SLC25A20: variants seen among roughly 807,000 people sequenced by gnomAD.
SLC25A20 encodes the protein solute carrier family 25 member 20.
SLC25A20 carries 29 observed loss-of-function variants against 39.7 expected under a neutral mutation model. That is an observed-to-expected ratio of 0.73 (90% CI 0.54 to 1.00). The LOEUF is 1.00. Among genes scored for constraint, SLC25A20 ranks in the 50% least tolerant of loss-of-function variants. SLC25A20 has a pLI of 0.00. For missense variants in SLC25A20, 333 were observed against 379.9 expected, an observed-to-expected ratio of 0.88 and a Z score of 1.03; for synonymous variants, 103 against 142.2, an observed-to-expected ratio of 0.72 and a Z score of 1.96.
intron 4 of SLC25A20, among the ~76,000 whole-genome samples, chr3:48,865,123 T>A (rs1188458141): frequency 1.6e-5 from 2 of 126,426 alleles, no homozygotes; most frequent in African/African-American, 5.8e-5. Context: ...AAAGTCTGAG[T>A]TGGAGATATA....
At position 48,857,596 on chromosome 3, in the gene SLC25A20, G is replaced by A. The variant is rs1575977140; in HGVS notation, c.*114C>T. On this transcript the variant is annotated 3_prime_UTR_variant, in exon 9 of 9. Transcript: ENST00000319017. Reference sequence around the variant, plus strand: ...CTCACCAAGTCCATGCACAGGGCTCGGATCTCACCATTCCCCTCCCCTTGC... The same window carrying A: ...CTCACCAAGTCCATGCACAGGGCTCAGATCTCACCATTCCCCTCCCCTTGC... 8.7e-6 allele frequency: 8 copies of A among 915,474 alleles called. No homozygotes were observed. The highest frequency in any genetic ancestry group is 5.6e-5 in the South Asian group (4 of 71,866). The allele number at this position is 915,474 out of a possible 1,614,324, so 56.7% of individuals were successfully genotyped here.
chr3:48,870,558 CTTTTT>C (rs752195846), intron 4 of SLC25A20, among the ~76,000 whole-genome samples: 2 of 123,478 alleles, frequency 1.6e-5, no homozygotes. Context: ...TTTTCTTTTT[CTTTTT>C]TTTTTTTTTT....
intron 1 of SLC25A20, among the ~76,000 whole-genome samples, chr3:48,892,967 T>A (rs561086381): frequency 1.3e-5 from 2 of 152,246 alleles, no homozygotes; most frequent in African/African-American, 4.8e-5. Flanking sequence ...TATATTCCCA[T>A]AAGCAGTCTA....
At chr3:48,869,896 T>C (rs1312802803) in intron 4 of SLC25A20, among the ~76,000 whole-genome samples, 2 of 152,050 alleles carry the variant, frequency 1.3e-5, no homozygotes, top group Non-Finnish European at 2.9e-5. Context: ...GGTAGGCAGA[T>C]TGCTTGATCC....
At chr3:48,865,674 C>T (rs1199588261) in intron 4 of SLC25A20, among the ~76,000 whole-genome samples, 1 of 147,820 alleles carries the variant, frequency 6.8e-6, no homozygotes, top group African/African-American at 2.5e-5. Flanking sequence ...GAGGCTGAGG[C>T]ACAAGAATCA....
chr3:48,891,033 G>T (rs558263808), intron 2 of SLC25A20, among the ~76,000 whole-genome samples: 1 of 152,124 alleles, frequency 6.6e-6, no homozygotes, highest in East Asian at 1.9e-4. Context: ...CTTGGTAGTG[G>T]TCCCCCCGGC....
intron 1 of SLC25A20, among the ~76,000 whole-genome samples, chr3:48,894,297 G>C (rs1418798666): frequency 1.6e-5 from 2 of 126,102 alleles, no homozygotes; most frequent in African/African-American, 6.1e-5. Context: ...GCAGAGTCTT[G>C]CTCTGTCACC....
At chr3:48,878,416 C>T (rs1444326986) in intron 4 of SLC25A20, among the ~76,000 whole-genome samples, 1 of 151,530 alleles carries the variant, frequency 6.6e-6, no homozygotes, top group Non-Finnish European at 1.5e-5. Flanking sequence ...TCAGTGCAGC[C>T]TCAACAATCC....
intron 1 of SLC25A20, among the ~76,000 whole-genome samples, chr3:48,896,033 A>G (rs962791339): frequency 3.3e-5 from 5 of 151,806 alleles, no homozygotes; most frequent in Admixed American, 3.3e-4. Context: ...CCAGCTACTC[A>G]GGAGGCTGAG....
rs1357859791 is a variant in SLC25A20, at chr3:48,857,740, C to A, written c.876G>T (p.Lys292Asn). The change falls in exon 9 of 9, where the codon AAG (lysine) becomes AAT (asparagine). Residue 292 changes from lysine to asparagine, a missense_variant. Physicochemically the swap from Lys to Asn is moderately conservative, Grantham distance 94. Coordinates refer to ENST00000319017, the MANE Select transcript of SLC25A20 (RefSeq NM_000387.6). Reference sequence around the variant, plus strand: ...AGTTGGGGGTGGCCCAATTAAGGAACTTCATGGCAACTTCAAAGCCAAGGA... The same window carrying A: ...AGTTGGGGGTGGCCCAATTAAGGAAATTCATGGCAACTTCAAAGCCAAGGA... ...ACFLGFEVAMKFLNWATPNL is the reference protein window; with the variant it reads ...ACFLGFEVAMNFLNWATPNL 1.2e-6 allele frequency: 2 copies of A among 1,613,952 alleles called. No homozygotes were observed.
intron 5 of SLC25A20, among the ~76,000 whole-genome samples, 181 bp downstream of exon 5, chr3:48,862,361 A>G (rs938260680): frequency 1.3e-5 from 2 of 152,206 alleles, no homozygotes; most frequent in Non-Finnish European, 2.9e-5. Context: ...GAAAGATGGA[A>G]GGTCCCCTCA....
chr3:48,872,576 C>T (rs377732667), intron 4 of SLC25A20, among the ~76,000 whole-genome samples: 1 of 150,138 alleles, frequency 6.7e-6, no homozygotes, highest in African/African-American at 2.4e-5. Context: ...ATTGGTCAGG[C>T]GTGGTTGCTC....
chr3:48,864,319 G>A (rs1433113124), intron 4 of SLC25A20, among the ~76,000 whole-genome samples: 2 of 110,544 alleles, frequency 1.8e-5, no homozygotes, highest in African/African-American at 7.1e-5. Context: ...CTGCACTCCA[G>A]CCTGGGTGAC....
chr3:48,865,744 G>A (rs2083662560), intron 4 of SLC25A20, among the ~76,000 whole-genome samples: 1 of 149,630 alleles, frequency 6.7e-6, no homozygotes, highest in South Asian at 2.1e-4. Context: ...ACTCCAGCCT[G>A]GGAGACAAAG....
chr3:48,857,367 C>G lies in SLC25A20; in HGVS notation c.*343G>C. 3.2e-6 allele frequency: 1 copy of G among 317,424 alleles called. No homozygotes were observed. Among genetic ancestry groups the G allele is most frequent in the South Asian group, 3.1e-5 (1 of 32,732 alleles). 19.7% of individuals were successfully genotyped at this position (317,424 alleles called of 1,614,324 possible). The stretch of plus-strand genomic sequence containing the variant: ...GCCTCCAGTGAGAACCTGAGATTCT[C>G]TCTTTAATGAGGAATACTTTGACTG... On this transcript the variant is annotated 3_prime_UTR_variant, in exon 9 of 9. Transcript: ENST00000319017.
At chr3:48,857,852 C>T in intron 8 of SLC25A20, 80 bp from the exon 9 acceptor site, 7 of 1,318,152 alleles carry the variant, frequency 5.3e-6, no homozygotes, top group African/African-American at 1.4e-5. Flanking sequence ...GCTTTGCTGG[C>T]CCTGTCAGGA....
At chr3:48,878,326 C>T (rs549909726) in intron 4 of SLC25A20, among the ~76,000 whole-genome samples, 72 of 147,140 alleles carry the variant, frequency 4.9e-4, no homozygotes, top group Non-Finnish European at 7.3e-4. Context: ...TTTTGTACAC[C>T]GGATGTGAAG....
At chr3:48,872,466 G>C (rs1336998031) in intron 4 of SLC25A20, among the ~76,000 whole-genome samples, 1 of 151,554 alleles carries the variant, frequency 6.6e-6, no homozygotes, top group African/African-American at 2.4e-5. Context: ...ACACAGTTCA[G>C]TGGAATGAAG....
rs555812213 is a variant in SLC25A20 at position 48,863,572 on chromosome 3, C to T, written c.418-913G>A. 2.0e-5 allele frequency among the ~76,000 whole-genome samples: 3 copies of T among 152,294 alleles called. No homozygotes were observed. In the East Asian group the frequency reaches 5.8e-4, roughly 29 times the overall value. On this transcript the variant is annotated intron_variant, in intron 4 of 8. Transcript: ENST00000319017. ...GATCCACACAGGGATCCCGCTTGTT[C>T]AGGACCAAGAGGAGTCAGAACACAC...
Sources: gnomAD v4.1 joint callset for allele counts (sites outside exome capture counted in the v4.1 genomes callset) on GRCh38, gnomAD v4.1.1 for gene constraint, MANE v1.5 for transcripts, NCBI Gene and HGNC (gene_info 2026-07-23, HGNC 2026-07-21) for gene names.